ZNF93: variants seen among roughly 807,000 people sequenced by gnomAD.
The protein encoded by ZNF93 is zinc finger protein 93, also known as zinc finger protein 505.
ZNF93 carries 29 observed loss-of-function variants against 45.0 expected under a neutral mutation model. That is an observed-to-expected ratio of 0.64 (90% CI 0.48 to 0.88). ZNF93 has a LOEUF of 0.88. Among genes scored for constraint, ZNF93 ranks in the 40% least tolerant of loss-of-function variants. ZNF93 has a pLI of 0.00. For synonymous variants in ZNF93, 223 were observed against 244.6 expected (o/e 0.91, Z 0.82); for missense variants, 578 against 724.0 (o/e 0.80, Z 2.31).
chr19:19,923,350 T>C (rs944040532), intron 3 of ZNF93, among the ~76,000 whole-genome samples: 4 of 152,184 alleles, frequency 2.6e-5, no homozygotes, highest in South Asian at 2.1e-4. Context: ...CTGCTCCTAC[T>C]TGGGGGTGCC....
intron 3 of ZNF93, among the ~76,000 whole-genome samples, chr19:19,917,668 C>T (rs2063328468): frequency 6.6e-6 from 1 of 151,990 alleles, no homozygotes; most frequent in Non-Finnish European, 1.5e-5. Context: ...AGCTCACCAC[C>T]ACCACACCTG....
At chr19:19,922,224 A>C (rs1044873967) in intron 3 of ZNF93, among the ~76,000 whole-genome samples, 1 of 152,208 alleles carries the variant, frequency 6.6e-6, no homozygotes, top group Non-Finnish European at 1.5e-5. Context: ...GCTGGGTATG[A>C]AATTCTGGGT....
chr19:19,930,357 C>T (rs141681909), intron 3 of ZNF93, among the ~76,000 whole-genome samples: 240 of 152,304 alleles, frequency 1.6e-3, no homozygotes, highest in African/African-American at 5.5e-3. Context: ...ACCACTGAAG[C>T]ACAGCATCAC....
chr19:19,917,207 T>C (rs1423054589), intron 3 of ZNF93, among the ~76,000 whole-genome samples: 3 of 152,184 alleles, frequency 2.0e-5, no homozygotes, highest in African/African-American at 7.2e-5. Flanking sequence ...ACACTTTTAT[T>C]GTAGTTTCAT....
intron 3 of ZNF93, among the ~76,000 whole-genome samples, chr19:19,918,177 A>T (rs1200163772): frequency 7.1e-6 from 1 of 141,764 alleles, no homozygotes; most frequent in African/African-American, 2.7e-5. Flanking sequence ...TTCAATTCCC[A>T]CCTATGAATG....
intron 1 of ZNF93, among the ~76,000 whole-genome samples, chr19:19,904,039 A>G (rs2063285160): frequency 6.6e-6 from 1 of 151,298 alleles, no homozygotes; most frequent in Non-Finnish European, 1.5e-5. Flanking sequence ...AGCCTGGGCA[A>G]CAGAGCGAGA....
chr19:19,929,294 A>G (rs919906174), intron 3 of ZNF93, among the ~76,000 whole-genome samples: 1 of 152,170 alleles, frequency 6.6e-6, no homozygotes, highest in Non-Finnish European at 1.5e-5. Flanking sequence ...AGCCAAATAA[A>G]CAATTTTTCT....
chr19:19,909,928 G>C (rs891060411), intron 1 of ZNF93, among the ~76,000 whole-genome samples: 24 of 152,300 alleles, frequency 1.6e-4, no homozygotes, highest in Middle Eastern at 3.4e-3. Flanking sequence ...TTCTAGAGAG[G>C]CTAGACCCAA....
rs555494633 is a variant in ZNF93, at chr19:19,903,846, G to T, written c.3+2755G>T. On this transcript the variant is annotated intron_variant, in intron 1 of 3. Coordinates refer to ENST00000343769, the MANE Select transcript of ZNF93 (RefSeq NM_031218.4). ...AGCACTGTGGGAGGCAGAGGCAGGC[G>T]GATCACCTGAGGTTAGGAGTTCAAG... Among the ~76,000 whole-genome samples the T allele has an allele frequency of 9.9e-5, 15 of 151,282 alleles. No homozygotes were observed. The South Asian group carries it at 2.7e-3, about 27-fold the overall frequency.
Position 19,933,194 on chromosome 19 carries a change from A to C in ZNF93, c.239A>C (p.His80Pro). ...MVANPSVICS[H>P]FAQDLWPEQN... ...TTGTTTCTTTCAGTTATATGTTCTCATTTTGCCCAAGATCTTTGGCCAGAG... is the reference window on the plus strand; with the variant it reads ...TTGTTTCTTTCAGTTATATGTTCTCCTTTTGCCCAAGATCTTTGGCCAGAG... The change falls in exon 4 of 4, where the codon CAT becomes CCT. Residue 80 changes from histidine (H) to proline (P), a missense_variant. His to Pro is a moderately conservative substitution (Grantham distance 77). Coordinates refer to ENST00000343769, the MANE Select transcript of ZNF93 (RefSeq NM_031218.4). The C allele has an allele frequency of 6.5e-7, 1 of 1,532,700 alleles. No homozygotes were observed. Among genetic ancestry groups the C allele is most frequent in the Non-Finnish European group, 8.8e-7 (1 of 1,140,590 alleles). The allele number at this position is 1,532,700 out of a possible 1,614,324, so 94.9% of individuals were successfully genotyped here.
intron 3 of ZNF93, chr19:19,927,240 T>C (rs1309795900): frequency 5.0e-6 from 2 of 398,096 alleles, no homozygotes; most frequent in Non-Finnish European, 8.9e-6. Context: ...ATGAAAAAAA[T>C]TTAATAATAG....
chr19:19,928,353 G>T (rs2063362383), intron 3 of ZNF93, among the ~76,000 whole-genome samples: 1 of 152,150 alleles, frequency 6.6e-6, no homozygotes, highest in Admixed American at 6.5e-5. Context: ...ACTGTAGGTT[G>T]TATTGATATC....
At chr19:19,913,781 A>G (rs2063316156) in intron 1 of ZNF93, among the ~76,000 whole-genome samples, 1 of 152,160 alleles carries the variant, frequency 6.6e-6, no homozygotes, top group East Asian at 1.9e-4. Flanking sequence ...TAATTTGTAC[A>G]GAGAATCTCA....
intron 1 of ZNF93, among the ~76,000 whole-genome samples, chr19:19,913,614 T>C (rs956829004): frequency 2.0e-5 from 3 of 152,168 alleles, no homozygotes; most frequent in Admixed American, 1.3e-4. Context: ...GAGAAACTTA[T>C]ATTTTTATCT....
chr19:19,924,381 G>T (rs1257714248), intron 3 of ZNF93, among the ~76,000 whole-genome samples: 1 of 151,594 alleles, frequency 6.6e-6, no homozygotes, highest in Non-Finnish European at 1.5e-5. Context: ...GTGAGCCACC[G>T]CACCCAGCCG....
intron 3 of ZNF93, among the ~76,000 whole-genome samples, chr19:19,918,276 G>T (rs1439998819): frequency 6.6e-6 from 1 of 152,134 alleles, no homozygotes; most frequent in Non-Finnish European, 1.5e-5. Context: ...CAAAGGACAT[G>T]AACTCATCAT....
chr19:19,934,295 A>T lies in ZNF93; in HGVS notation c.1340A>T (p.His447Leu), dbSNP rs773532551. The T allele has an allele frequency of 3.1e-6, 5 of 1,613,060 alleles. No individual in the cohort carries two copies. Among genetic ancestry groups the T allele is most frequent in the African/African-American group, 1.3e-5 (1 of 74,920 alleles). Residue 447 changes from histidine to leucine, a missense_variant, in exon 4 of 4, where the codon CAT (histidine) becomes CTT (leucine). This residue lies in a region of ZNF93 where 446 missense variants were observed against 547.6 expected (regional missense o/e 0.81). Transcript: ENST00000343769. ...SSTLSKHEII[H>L]TGKKPYKCEE... The stretch of plus-strand genomic sequence containing the variant: ...ACCCTTAGTAAACATGAGATCATTC[A>T]TACTGGAAAGAAACCCTACAAGTGT...
At position 19,901,200 on chromosome 19, in the gene ZNF93, C is replaced by T. The variant is rs1307595984; in HGVS notation, c.3+109C>T. 2.6e-6 allele frequency: 4 copies of T among 1,551,326 alleles called. No homozygotes were observed. In the African/African-American group the frequency reaches 5.4e-5, roughly 21 times the overall value. On this transcript the variant is annotated intron_variant, in intron 1 of 3. Coordinates refer to ENST00000343769, the MANE Select transcript of ZNF93 (RefSeq NM_031218.4). ...TCCCCTTAGTCAGCTCCACAATCTG[C>T]GCCGGAGTTCTTGCCCAGCTCGGCC...
intron 1 of ZNF93, among the ~76,000 whole-genome samples, chr19:19,915,068 A>G (rs994751542): frequency 6.6e-6 from 1 of 152,170 alleles, no homozygotes; most frequent in Admixed American, 6.5e-5. Flanking sequence ...GAAAAATATC[A>G]TATATGAACT....
Sources: gnomAD v4.1 joint callset for allele counts (sites outside exome capture counted in the v4.1 genomes callset) on GRCh38, gnomAD v4.1.1 for gene constraint, gnomAD v4.1.1 regional missense constraint, MANE v1.5 for transcripts, NCBI Gene and HGNC (gene_info 2026-07-23, HGNC 2026-07-21) for gene names.